Variants in SLC6A13 observed in about 807,000 individuals in gnomAD.
SLC6A13 encodes the protein solute carrier family 6 member 13.
In SLC6A13, 69 loss-of-function variants were observed where a neutral mutation model predicts 72.9. The observed-to-expected ratio is 0.95, with a 90% CI of 0.78 to 1.16. The LOEUF (loss-of-function observed/expected upper bound fraction) is 1.16. Among genes scored for constraint, SLC6A13 ranks in the 50% most tolerant of loss-of-function variants. The pLI, the probability that SLC6A13 is intolerant of heterozygous loss-of-function variation, is 0.00. For synonymous variants in SLC6A13, 303 were observed against 303.0 expected (o/e 1.00, Z 0.00); for missense variants, 735 against 760.5 (o/e 0.97, Z 0.39).
rs114674414 is a variant in SLC6A13 at position 241,513 on chromosome 12, C to T, written c.478+1101G>A. Among the ~76,000 whole-genome samples the T allele has an allele frequency of 4.8e-3, 733 of 152,282 alleles. 8 individuals are homozygous for T. Among genetic ancestry groups the T allele is most frequent in the African/African-American group, 0.017 (697 of 41,564 alleles). ...AGCCACCTGTGGCTGTTTAAGTTAA[C>T]ATTCAATGCAAATGTTAAAGTTCTG... On this transcript the variant is annotated intron_variant, in intron 4 of 14. Coordinates refer to ENST00000343164, the MANE Select transcript of SLC6A13 (RefSeq NM_016615.5).
chr12:234,100 G>A (rs778060959), intron 7 of SLC6A13, among the ~76,000 whole-genome samples: 1 of 152,186 alleles, frequency 6.6e-6, no homozygotes, highest in Non-Finnish European at 1.5e-5. Flanking sequence ...TCCTAGAGGA[G>A]GAGCTCTAGG....
rs116630551 is a variant in SLC6A13, at chr12:243,914, G to A, written c.203-101C>T. 1,167 of 1,204,254 alleles carry A rather than the reference G, an allele frequency of 9.7e-4. 9 individuals are homozygous for A. The African/African-American group carries it at 0.016, about 16-fold the overall frequency. 74.6% of individuals were successfully genotyped at this position (1,204,254 alleles called of 1,614,324 possible). A position where few individuals can be genotyped will look rare whatever the true frequency, so the allele number is the denominator to read the frequency against. On this transcript the variant is annotated intron_variant, in intron 2 of 14. Transcript: ENST00000343164. The stretch of plus-strand genomic sequence containing the variant: ...AACCCATACTGCCAGTCAGAATCTC[G>A]GAGGCAGAGAACATGCAAAACTGCA...
At chr12:223,405 T>G (rs1431735597) in intron 11 of SLC6A13, among the ~76,000 whole-genome samples, 171 bp from the exon 12 acceptor site, 1 of 148,948 alleles carries the variant, frequency 6.7e-6, no homozygotes, top group Non-Finnish European at 1.5e-5. Flanking sequence ...ATGAGGCGGA[T>G]ATGAGACGCT....
intron 2 of SLC6A13, chr12:253,480 A>G (rs1394488356): frequency 6.6e-6 from 1 of 152,298 alleles, no homozygotes; most frequent in African/African-American, 2.4e-5. Context: ...ATCTATAAAC[A>G]GCACAGGGCT....
intron 2 of SLC6A13, among the ~76,000 whole-genome samples, chr12:249,822 C>T (rs552788): frequency 0.19 from 28,722 of 151,986 alleles, 3,099 homozygotes; most frequent in East Asian, 0.37. Context: ...TAAAGATCAA[C>T]ATATTTCATG....
At chr12:238,095 G>A (rs1270007773) in intron 4 of SLC6A13, 85 bp from the exon 5 acceptor site, 4 of 1,580,564 alleles carry the variant, frequency 2.5e-6, no homozygotes, top group Admixed American at 1.8e-5. Flanking sequence ...GAAATTCTAG[G>A]AGAATGGGAA....
At chr12:233,853 A>G (rs1438377436) in intron 7 of SLC6A13, among the ~76,000 whole-genome samples, 2 of 152,228 alleles carry the variant, frequency 1.3e-5, no homozygotes, top group Admixed American at 6.5e-5. Context: ...AGCTGCTAAC[A>G]TGTCAGAGGC....
chr12:246,318 AAAAT>A (rs950722077), intron 2 of SLC6A13, among the ~76,000 whole-genome samples: 1 of 151,804 alleles, frequency 6.6e-6, no homozygotes, highest in Non-Finnish European at 1.5e-5. Context: ...CTCTGTCTCA[AAAAT>A]AAATAAATAA....
At chr12:222,746 T>C (rs1254731636) in intron 12 of SLC6A13, 114 bp from the exon 13 acceptor site, 2 of 632,006 alleles carry the variant, frequency 3.2e-6, no homozygotes, top group Non-Finnish European at 5.5e-6. Flanking sequence ...AGAGATGACA[T>C]CACAGCTGTC....
At chr12:221,765 G>A (rs997580726) in intron 13 of SLC6A13, among the ~76,000 whole-genome samples, 1 of 152,230 alleles carries the variant, frequency 6.6e-6, no homozygotes, top group African/African-American at 2.4e-5. Context: ...GTGCCCCTGG[G>A]CACCTCTACG....
At position 235,076 on chromosome 12, in the gene SLC6A13, C is replaced by G. The variant is rs766989769; in HGVS notation, c.831+14G>C. 2.5e-6 allele frequency: 4 copies of G among 1,614,150 alleles called. No homozygotes were observed. The highest frequency in any genetic ancestry group is 2.5e-6 in the Non-Finnish European group (3 of 1,179,994). On this transcript the variant is annotated intron_variant, in intron 7 of 14. Transcript: ENST00000343164. ...CTGGGAGTCACGTGAGGGCTCCTGT[C>G]TGTGGCTTCTTACCTGGGGATCCCA...
chr12:247,518 T>A (rs1420585375), intron 2 of SLC6A13, among the ~76,000 whole-genome samples: 1 of 152,168 alleles, frequency 6.6e-6, no homozygotes, highest in African/African-American at 2.4e-5. Context: ...AAAAGGAAAG[T>A]GAAATAACTG....
At chr12:252,594 T>C (rs1942591147) in intron 2 of SLC6A13, among the ~76,000 whole-genome samples, 1 of 152,146 alleles carries the variant, frequency 6.6e-6, no homozygotes, top group Non-Finnish European at 1.5e-5. Flanking sequence ...GACTTGATCA[T>C]GAGGACAAAG....
rs11062182 is a variant in SLC6A13 at position 261,577 on chromosome 12, G to T, written c.-6+1212C>A. ...AGTTCATGTTAACAGAACTTTCTCA[G>T]CAGTAACCTCTTCTGGCCACAGACT... On this transcript the variant is annotated intron_variant, in intron 1 of 14. Transcript: ENST00000343164. Among the ~76,000 whole-genome samples the T allele has an allele frequency of 8.4e-3, 1,280 of 152,330 alleles. 6 individuals carry two copies. Among genetic ancestry groups the T allele is most frequent in the Non-Finnish European group, 0.013 (853 of 68,034 alleles).
intron 2 of SLC6A13, among the ~76,000 whole-genome samples, chr12:253,048 T>C (rs188503486): frequency 1.6e-4 from 24 of 152,334 alleles, no homozygotes; most frequent in Admixed American, 1.4e-3. Context: ...AAAGATGAAG[T>C]TAGTCCTGGG....
At chr12:240,799 A>G (rs1942138048) in intron 4 of SLC6A13, among the ~76,000 whole-genome samples, 1 of 152,182 alleles carries the variant, frequency 6.6e-6, no homozygotes, top group Admixed American at 6.5e-5. Flanking sequence ...TCCCTTTGAA[A>G]AATAACGGTG....
At chr12:224,580 G>T in intron 9 of SLC6A13, 67 bp from the exon 10 acceptor site, 1 of 1,295,826 alleles carries the variant, frequency 7.7e-7, no homozygotes, top group Non-Finnish European at 1.1e-6. Context: ...GTGACCCATG[G>T]CTTCCCAGCG....
chr12:260,193 T>C lies in SLC6A13; in HGVS notation c.-5-136A>G, dbSNP rs1036061600. ...TTTCTATTCCCTTCCCTGTAGACCA[T>C]GTCCTCCTTAGCAGTTCTCATTGGT... On this transcript the variant is annotated intron_variant, in intron 1 of 14. Transcript: ENST00000343164. 1.3e-5 allele frequency: 12 copies of C among 889,530 alleles called. No homozygotes were observed. In the South Asian group the frequency reaches 1.4e-4, roughly 10 times the overall value. 55.1% of individuals were successfully genotyped at this position (889,530 alleles called of 1,614,324 possible). A position where few individuals can be genotyped will look rare whatever the true frequency, so the allele number is the denominator to read the frequency against.
At chr12:226,247 C>T in intron 9 of SLC6A13, 143 bp downstream of exon 9, 1 of 969,432 alleles carries the variant, frequency 1.0e-6, no homozygotes, top group Non-Finnish European at 1.6e-6. Flanking sequence ...CAATTCTCCG[C>T]CAAGTCTTCC....
Sources: gnomAD v4.1 joint callset for allele counts (sites outside exome capture counted in the v4.1 genomes callset) on GRCh38, gnomAD v4.1.1 for gene constraint, MANE v1.5 for transcripts, NCBI Gene and HGNC (gene_info 2026-07-23, HGNC 2026-07-21) for gene names.